The following MED27 variants were observed in gnomAD, a reference collection of about 807,000 sequenced individuals.
MED27 encodes mediator of RNA polymerase II transcription subunit 27.
MED27 carries 30 observed loss-of-function variants against 38.2 expected under a neutral mutation model. That is an observed-to-expected ratio of 0.79 (90% CI 0.59 to 1.07). The LOEUF is 1.07. Among genes scored for constraint, MED27 ranks in the 50% least tolerant of loss-of-function variants. MED27 has a pLI of 0.00. For missense variants in MED27, 289 were observed against 397.5 expected, an observed-to-expected ratio of 0.73 and a Z score of 2.32; for synonymous variants, 122 against 153.5, an observed-to-expected ratio of 0.79 and a Z score of 1.52.
chr9:131,981,440 G>A (rs920974751), intron 3 of MED27, among the ~76,000 whole-genome samples: 2 of 152,174 alleles, frequency 1.3e-5, no homozygotes, highest in Admixed American at 1.3e-4. Context: ...ATAAGAAAAT[G>A]CACAGATGAT....
chr9:132,014,346 A>G lies in MED27; in HGVS notation c.470T>C (p.Leu157Pro). ...RPKAQPTTLV[L>P]PPQYVDDVIS... ...CAAATCCATCACTCACTGAGGTGGT[A>G]GGACAAGAGTTGTGGGCTGAGCCTT... is the stretch of plus-strand genomic sequence containing the variant. Residue 157 changes from leucine to proline, a missense_variant, in exon 3 of 8, where the codon CTA becomes CCA. By Grantham distance (98) the Leu-to-Pro change is moderately conservative. Transcript: ENST00000292035. 1 of 1,612,066 alleles carries G rather than the reference A, an allele frequency of 6.2e-7. No individual in the cohort carries two copies. The highest frequency in any genetic ancestry group is 8.5e-7 in the Non-Finnish European group (1 of 1,179,736).
intron 4 of MED27, among the ~76,000 whole-genome samples, chr9:131,901,395 G>T (rs1189344458): frequency 6.6e-6 from 1 of 152,180 alleles, no homozygotes; most frequent in African/African-American, 2.4e-5. Flanking sequence ...GTCTAAAGAA[G>T]TAAACTGAGG....
chr9:131,960,125 C>G (rs1248123988), intron 3 of MED27, among the ~76,000 whole-genome samples: 2 of 152,202 alleles, frequency 1.3e-5, no homozygotes, highest in African/African-American at 2.4e-5. Context: ...ATCTGTCTTT[C>G]ACTTGAGGAT....
At chr9:131,945,447 C>T (rs61407977) in intron 3 of MED27, among the ~76,000 whole-genome samples, 4,265 of 152,184 alleles carry the variant, frequency 0.028, 206 homozygotes, top group African/African-American at 0.098. Context: ...GTGGTAAGAA[C>T]ACCTAAAATC....
intron 4 of MED27, among the ~76,000 whole-genome samples, chr9:131,920,814 T>A (rs58387279): frequency 0.011 from 1,627 of 151,814 alleles, 30 homozygotes; most frequent in African/African-American, 0.038. Context: ...GGGCAGATGA[T>A]GGGCTGTCAC....
chr9:131,928,741 G>A (rs1182790129), intron 4 of MED27, among the ~76,000 whole-genome samples: 1 of 152,246 alleles, frequency 6.6e-6, no homozygotes, highest in Non-Finnish European at 1.5e-5. Flanking sequence ...AGCCTTGCCA[G>A]CGTGTGCTAA....
chr9:131,925,120 G>A lies in MED27; in HGVS notation c.573+14261C>T, dbSNP rs552611110. The stretch of plus-strand genomic sequence containing the variant: ...GGAGGCAAAAATCACTCCCAGTTAA[G>A]AACCACTGTCCTAAACCAAGCAATT... On this transcript the variant is annotated intron_variant, in intron 4 of 7. Transcript: ENST00000292035. Among the ~76,000 whole-genome samples the A allele has an allele frequency of 5.3e-5, 8 of 152,282 alleles. No individual in the cohort carries two copies. The South Asian group carries it at 1.7e-3, about 32-fold the overall frequency.
intron 3 of MED27, among the ~76,000 whole-genome samples, chr9:132,004,143 A>G (rs2131061914): frequency 6.6e-6 from 1 of 152,308 alleles, no homozygotes; most frequent in Non-Finnish European, 1.5e-5. Flanking sequence ...CTGTCCGCCT[A>G]AAGTGTTCCG....
rs143904236 is a variant in MED27, at chr9:132,051,915, G to A, written c.348+25527C>T. ...TCCCTTTCCTTGCCATTTTAACTACGATGAGAAAGTTTAGCTTATAATAGT... is the reference window on the plus strand; with the variant it reads ...TCCCTTTCCTTGCCATTTTAACTACAATGAGAAAGTTTAGCTTATAATAGT... On this transcript the variant is annotated intron_variant, in intron 2 of 7. Coordinates refer to ENST00000292035, the MANE Select transcript of MED27 (RefSeq NM_004269.4). This position sits in a 1 kb window ranked among gnomAD's most constrained non-coding sequence, Gnocchi z 4.2. Among the ~76,000 whole-genome samples, 67 of 152,226 alleles carry A rather than the reference G, an allele frequency of 4.4e-4. No individual in the cohort carries two copies. Among genetic ancestry groups the A allele is most frequent in the African/African-American group, 1.3e-3 (54 of 41,528 alleles).
At position 131,889,125 on chromosome 9, in the gene MED27, T is replaced by C. The variant is rs889810746; in HGVS notation, c.681+4760A>G. Among the ~76,000 whole-genome samples, 3 of 152,138 alleles carry C rather than the reference T, an allele frequency of 2.0e-5. No homozygotes were observed. The highest frequency in any genetic ancestry group is 2.1e-4 in the South Asian group (1 of 4,830). On this transcript the variant is annotated intron_variant, in intron 5 of 7. Transcript: ENST00000292035. The surrounding 1 kb of genome is among the most constrained non-coding windows in gnomAD (Gnocchi z 4.2). ...CAAACAGGGCTGATGCCAACACTTA[T>C]TAGAGAAATCAGATTCAGCTCCCCA...
At chr9:132,056,622 T>C (rs534485899) in intron 2 of MED27, among the ~76,000 whole-genome samples, 1 of 151,892 alleles carries the variant, frequency 6.6e-6, no homozygotes, top group East Asian at 1.9e-4. Flanking sequence ...GTCCCAAGCA[T>C]TTTGAAAAAG....
chr9:131,949,031 T>C (rs1830937977), intron 3 of MED27, among the ~76,000 whole-genome samples: 1 of 152,164 alleles, frequency 6.6e-6, no homozygotes, highest in South Asian at 2.1e-4. Flanking sequence ...GGGTGTCAAG[T>C]CGCCCTTTGA....
At chr9:132,067,903 G>A (rs1334385989) in intron 2 of MED27, among the ~76,000 whole-genome samples, 5 of 152,072 alleles carry the variant, frequency 3.3e-5, no homozygotes, top group Admixed American at 6.5e-5. Flanking sequence ...TAGTAGAGAC[G>A]GGGTTTCACC....
At chr9:131,950,257 C>T (rs1023154743) in intron 3 of MED27, among the ~76,000 whole-genome samples, 3 of 152,298 alleles carry the variant, frequency 2.0e-5, no homozygotes, top group South Asian at 4.1e-4. Flanking sequence ...GGTGAAATGA[C>T]GCTTGGAGCT....
intron 2 of MED27, among the ~76,000 whole-genome samples, chr9:132,049,042 A>T (rs1589288856): frequency 1.3e-5 from 2 of 152,322 alleles, no homozygotes; most frequent in African/African-American, 4.8e-5. Context: ...ATTAAGCATG[A>T]CCTTTAAGAG....
intron 3 of MED27, among the ~76,000 whole-genome samples, chr9:131,998,362 C>T (rs1026646028): frequency 6.6e-6 from 1 of 151,316 alleles, no homozygotes; most frequent in Non-Finnish European, 1.5e-5. Flanking sequence ...TCAGTGGGAG[C>T]ATTATAGGAG....
intron 3 of MED27, among the ~76,000 whole-genome samples, chr9:131,945,881 T>C (rs573240952): frequency 8.0e-4 from 121 of 151,250 alleles, no homozygotes; most frequent in African/African-American, 2.2e-3. Flanking sequence ...GATGGGAGGA[T>C]TGCTTGAGCC....
chr9:132,069,421 C>G (rs1479108815), intron 2 of MED27, among the ~76,000 whole-genome samples: 1 of 152,162 alleles, frequency 6.6e-6, no homozygotes, highest in Non-Finnish European at 1.5e-5. Context: ...TGGGCCAAAG[C>G]CTTGGGATAG....
intron 6 of MED27, chr9:131,869,391 C>CAA (rs10657924): frequency 0.026 from 23,951 of 926,960 alleles, 1,275 homozygotes; most frequent in African/African-American, 0.24. Flanking sequence ...AGGCCTGGGG[C>CAA]AAAAAAAAAA....
Sources: allele counts gnomAD v4.1 joint callset (sites outside exome capture counted in the v4.1 genomes callset), GRCh38; gene constraint gnomAD v4.1.1; non-coding constraint Gnocchi (gnomAD v3.1); transcripts MANE v1.5; gene names NCBI Gene and HGNC (gene_info 2026-07-23, HGNC 2026-07-21).